ELAVL4: variants seen among roughly 807,000 people sequenced by gnomAD.
ELAVL4 encodes the protein ELAV-like protein 4.
ELAVL4 carries 1 observed loss-of-function variant against 35.6 expected under a neutral mutation model. The observed-to-expected ratio is 0.03, with a 90% CI of 0.01 to 0.13. The LOEUF (loss-of-function observed/expected upper bound fraction) is 0.13, where lower values mean the gene tolerates loss of function less well. Ranked by LOEUF, ELAVL4 falls within the 10% of genes least tolerant of loss-of-function variation. The pLI, the probability that ELAVL4 is intolerant of heterozygous loss-of-function variation, is 1.00. For synonymous variants in ELAVL4, 156 were observed against 171.0 expected (o/e 0.91, Z 0.69); for missense variants, 267 against 464.9 (o/e 0.57, Z 3.91).
At chr1:50,104,217 T>G (rs954836294), upstream of ELAVL4, among the ~76,000 whole-genome samples, 2 of 152,230 alleles carry the variant, frequency 1.3e-5, no homozygotes, top group Non-Finnish European at 2.9e-5. Context: ...TTAAAAGTCT[T>G]CCTTGGTAAT....
At chr1:50,074,451 C>T (rs1009466392) in intron 1 of ELAVL4, among the ~76,000 whole-genome samples, 4 of 152,144 alleles carry the variant, frequency 2.6e-5, no homozygotes, top group African/African-American at 7.2e-5. Context: ...GTGCATTGTT[C>T]GCATTTCTGA....
chr1:50,067,994 C>T (rs942833075), intron 1 of ELAVL4, among the ~76,000 whole-genome samples: 4 of 152,152 alleles, frequency 2.6e-5, no homozygotes, highest in African/African-American at 9.7e-5. Context: ...CCGGGTCTCT[C>T]CCACAACACG....
intron 2 of ELAVL4, among the ~76,000 whole-genome samples, chr1:50,161,348 C>T (rs944179669): frequency 6.6e-6 from 1 of 152,080 alleles, no homozygotes; most frequent in African/African-American, 2.4e-5. Context: ...AATGTTGCTT[C>T]GATTAAGAAT....
intron 4 of ELAVL4, among the ~76,000 whole-genome samples, chr1:50,194,960 G>T (rs550779264): frequency 3.3e-4 from 50 of 152,308 alleles, no homozygotes; most frequent in African/African-American, 1.1e-3. Context: ...AGCCTCAATA[G>T]GGAATTTGGG....
chr1:50,151,642 A>C (rs1011480026), intron 2 of ELAVL4, among the ~76,000 whole-genome samples: 1 of 152,238 alleles, frequency 6.6e-6, no homozygotes, highest in Admixed American at 6.5e-5. Flanking sequence ...AGAGTACAGC[A>C]AATGGTAGCA....
At chr1:50,075,818 TAGAG>T (rs952906371) in intron 1 of ELAVL4, among the ~76,000 whole-genome samples, 2 of 150,182 alleles carry the variant, frequency 1.3e-5, no homozygotes, top group South Asian at 2.1e-4. Flanking sequence ...TAGATATAGA[TAGAG>T]AGAGAGAGAC....
At chr1:50,068,044 TG>T (rs1431720567) in intron 1 of ELAVL4, among the ~76,000 whole-genome samples, 1 of 152,062 alleles carries the variant, frequency 6.6e-6, no homozygotes, top group Non-Finnish European at 1.5e-5. Context: ...GAGATTTTGG[TG>T]GGGACATAGC....
In ELAVL4 at chr1:50,109,604, C is replaced by G. The variant is rs181935538; in HGVS notation, c.9+406C>G. Reference sequence around the variant, plus strand: ...GTGGATGCAGCGGGGTTAGGAATCTCTCAATTTCCGTGCTGGAAATTTAAA... The same window carrying G: ...GTGGATGCAGCGGGGTTAGGAATCTGTCAATTTCCGTGCTGGAAATTTAAA... On this transcript the variant is annotated intron_variant, in intron 1 of 6. Transcript: ENST00000371824. The G allele has an allele frequency of 2.2e-3, 900 of 416,162 alleles. 9 individuals carry two copies. In the East Asian group the frequency reaches 0.022, roughly 10 times the overall value. 25.8% of individuals were successfully genotyped at this position (416,162 alleles called of 1,614,324 possible). A position where few individuals can be genotyped will look rare whatever the true frequency, so the allele number is the denominator to read the frequency against.
rs187110943 is a variant in ELAVL4, at chr1:50,052,698, C to T, written c.18+4516C>T. 3.9e-5 allele frequency among the ~76,000 whole-genome samples: 6 copies of T among 152,320 alleles called. No homozygotes were observed. In the East Asian group the frequency reaches 1.2e-3, roughly 29 times the overall value. On this transcript the variant is annotated intron_variant, in intron 1 of 6. Transcript: ENST00000448907. ...AATTTGCCACACAAGCACCTTTGTT[C>T]ACTCAAATCAGAGTCTGGCAATAGT...
chr1:50,058,485 T>C (rs1663793217), intron 1 of ELAVL4, among the ~76,000 whole-genome samples: 1 of 150,968 alleles, frequency 6.6e-6, no homozygotes, highest in African/African-American at 2.4e-5. Flanking sequence ...CTTATCCACA[T>C]GGAAAGGTTG....
At chr1:50,191,605 A>T (rs1310333609) in intron 3 of ELAVL4, among the ~76,000 whole-genome samples, 1 of 152,160 alleles carries the variant, frequency 6.6e-6, no homozygotes, top group Admixed American at 6.6e-5. Context: ...TAAAGAGATC[A>T]TCAGCCTAGA....
intron 2 of ELAVL4, among the ~76,000 whole-genome samples, chr1:50,152,333 T>C (rs376077989): frequency 1.3e-5 from 2 of 152,046 alleles, no homozygotes; most frequent in Admixed American, 1.3e-4. Flanking sequence ...TTTTAAGAAT[T>C]TTCTATTTCT....
chr1:50,073,159 A>G (rs1486950764), intron 1 of ELAVL4, among the ~76,000 whole-genome samples: 1 of 152,170 alleles, frequency 6.6e-6, no homozygotes, highest in Non-Finnish European at 1.5e-5. Flanking sequence ...CTCTAGCCTC[A>G]TGGTACCAGG....
chr1:50,061,444 T>C (rs1485702593), intron 1 of ELAVL4, among the ~76,000 whole-genome samples: 1 of 152,168 alleles, frequency 6.6e-6, no homozygotes, highest in African/African-American at 2.4e-5. Flanking sequence ...AGTTTTAAAA[T>C]TACATGTAGT....
intron 1 of ELAVL4, among the ~76,000 whole-genome samples, chr1:50,091,111 C>T (rs572572787): frequency 1.3e-5 from 2 of 152,266 alleles, no homozygotes; most frequent in East Asian, 1.9e-4. Flanking sequence ...AGCTGAATTA[C>T]CCATCTGAAT....
At chr1:50,059,986 G>T (rs1663874816) in intron 1 of ELAVL4, among the ~76,000 whole-genome samples, 1 of 152,078 alleles carries the variant, frequency 6.6e-6, no homozygotes, top group Admixed American at 6.5e-5. Flanking sequence ...TGAATAAGGG[G>T]GAATAATGGA....
At chr1:50,079,172 C>A (rs1664893502) in intron 1 of ELAVL4, among the ~76,000 whole-genome samples, 1 of 152,138 alleles carries the variant, frequency 6.6e-6, no homozygotes, top group African/African-American at 2.4e-5. Flanking sequence ...AGAGATCCTC[C>A]TGCCTCAGCC....
chr1:50,166,401 A>C (rs1677927698), intron 2 of ELAVL4, among the ~76,000 whole-genome samples: 1 of 152,244 alleles, frequency 6.6e-6, no homozygotes, highest in Non-Finnish European at 1.5e-5. Context: ...TATGAAGTCA[A>C]TAAATCTTAT....
upstream of ELAVL4, among the ~76,000 whole-genome samples, chr1:50,107,866 G>A (rs1417738878): frequency 6.6e-6 from 1 of 152,134 alleles, no homozygotes; most frequent in African/African-American, 2.4e-5. Context: ...GTTGTTAAAT[G>A]TGTAAATAGG....
Sources: allele counts gnomAD v4.1 joint callset (sites outside exome capture counted in the v4.1 genomes callset), GRCh38; gene constraint gnomAD v4.1.1; transcripts MANE v1.5; gene names NCBI Gene and HGNC (gene_info 2026-07-23, HGNC 2026-07-21).